Variants in MED13L observed in about 807,000 individuals in gnomAD.
The protein encoded by MED13L is mediator of RNA polymerase II transcription subunit 13-like.
A neutral mutation model predicts 220.9 loss-of-function variants in MED13L; 7 were observed. The ratio of observed to expected loss-of-function variants is 0.03; its 90% confidence interval spans 0.02 to 0.06. The LOEUF is 0.06. Among genes scored for constraint, MED13L ranks in the 10% least tolerant of loss-of-function variants. MED13L has a pLI of 1.00. For missense variants in MED13L, 1,965 were observed against 2,760.5 expected, an observed-to-expected ratio of 0.71 and a Z score of 6.46; for synonymous variants, 1,011 against 1,015.2, an observed-to-expected ratio of 1.00 and a Z score of 0.08.
At chr12:116,147,143 A>G (rs570858699) in intron 2 of MED13L, among the ~76,000 whole-genome samples, 151 of 152,340 alleles carry the variant, frequency 9.9e-4, no homozygotes, top group Non-Finnish European at 1.9e-3. Context: ...AACTGTGCTT[A>G]TAAGAGTGGC....
intron 2 of MED13L, among the ~76,000 whole-genome samples, chr12:116,159,282 A>G (rs1331217311): frequency 6.6e-6 from 1 of 152,206 alleles, no homozygotes; most frequent in Non-Finnish European, 1.5e-5. Context: ...GCAATCTCAG[A>G]GTTTATGTAG....
chr12:116,125,928 A>G (rs531297309), intron 2 of MED13L, among the ~76,000 whole-genome samples: 4 of 152,362 alleles, frequency 2.6e-5, no homozygotes, highest in African/African-American at 9.6e-5. Context: ...ATAGAATCAC[A>G]AATTATTATT....
At chr12:115,996,086 TTTTC>T (rs1211774890) in intron 16 of MED13L, among the ~76,000 whole-genome samples, 8 of 152,138 alleles carry the variant, frequency 5.3e-5, no homozygotes, top group Admixed American at 3.3e-4. Context: ...TGTCATCATT[TTTTC>T]TTTCTTTTTT....
At chr12:116,177,728 A>G (rs2138207816) in intron 2 of MED13L, among the ~76,000 whole-genome samples, 1 of 152,356 alleles carries the variant, frequency 6.6e-6, no homozygotes, top group Non-Finnish European at 1.5e-5. Context: ...AATCTGACCT[A>G]TGAGGAAAAA....
intron 4 of MED13L, among the ~76,000 whole-genome samples, chr12:116,029,563 A>G (rs1255751376): frequency 2.0e-5 from 3 of 152,198 alleles, no homozygotes; most frequent in Non-Finnish European, 2.9e-5. Flanking sequence ...GTAGAAAATC[A>G]TATGCCAGAT....
intron 22 of MED13L, among the ~76,000 whole-genome samples, chr12:115,981,517 G>A (rs905484828): frequency 1.3e-5 from 2 of 151,832 alleles, no homozygotes; most frequent in African/African-American, 4.9e-5. Context: ...AGCTGTCAAA[G>A]GTGCAGTGAA....
chr12:115,992,210 A>G (rs1878110437), intron 16 of MED13L, among the ~76,000 whole-genome samples: 2 of 152,208 alleles, frequency 1.3e-5, no homozygotes, highest in South Asian at 4.1e-4. Flanking sequence ...TATTCCACAT[A>G]TAAGCATCCT....
At chr12:116,216,413 G>C (rs528745855) in intron 2 of MED13L, among the ~76,000 whole-genome samples, 2 of 152,196 alleles carry the variant, frequency 1.3e-5, no homozygotes, top group Non-Finnish European at 2.9e-5. Flanking sequence ...TTTATCTGTA[G>C]CTCTATTACT....
chr12:116,073,693 CCTGAG>C (rs1325375085), intron 4 of MED13L, among the ~76,000 whole-genome samples: 1 of 152,198 alleles, frequency 6.6e-6, no homozygotes, highest in African/African-American at 2.4e-5. Context: ...CAACCCTTGA[CCTGAG>C]CTGATTTTAT....
intron 1 of MED13L, among the ~76,000 whole-genome samples, chr12:116,246,206 CA>C (rs77427246): frequency 0.095 from 9,519 of 100,038 alleles, 358 homozygotes; most frequent in Middle Eastern, 0.17. Context: ...TTTAGACATG[CA>C]AAAAAAAAAA....
At position 116,007,391 on chromosome 12, in the gene MED13L, C is replaced by G. The variant is rs1380362701; in HGVS notation, c.2238+20G>C. ...ATAGAAACCCACACCATGCTGGACT[C>G]TCTCTCTGTTAAATGGTACCTTATT... On this transcript the variant is annotated intron_variant, in intron 11 of 30. Transcript: ENST00000281928. The G allele has an allele frequency of 6.3e-7, 1 of 1,592,658 alleles. No individual in the cohort carries two copies. The highest frequency in any genetic ancestry group is 8.6e-7 in the Non-Finnish European group (1 of 1,160,598).
chr12:115,971,894 C>T (rs578076163), intron 26 of MED13L, among the ~76,000 whole-genome samples, 184 bp downstream of exon 26: 2 of 152,286 alleles, frequency 1.3e-5, no homozygotes, highest in African/African-American at 4.8e-5. Flanking sequence ...GGTCAACAAA[C>T]ATGATAAAAT....
chr12:116,202,923 C>A (rs1408324554), intron 2 of MED13L, among the ~76,000 whole-genome samples: 1 of 152,178 alleles, frequency 6.6e-6, no homozygotes. Flanking sequence ...CAAGAGAAAT[C>A]ACAAAGTTTT....
At chr12:116,221,699 C>A (rs1233296011) in intron 2 of MED13L, among the ~76,000 whole-genome samples, 2 of 152,118 alleles carry the variant, frequency 1.3e-5, no homozygotes, top group African/African-American at 4.8e-5. Flanking sequence ...ATATATCATG[C>A]AGCATGAATC....
At chr12:115,996,113 C>CA (rs1878385259) in intron 16 of MED13L, among the ~76,000 whole-genome samples, 2 of 151,900 alleles carry the variant, frequency 1.3e-5, no homozygotes, top group South Asian at 4.2e-4. Context: ...CTTTCTGAGA[C>CA]AGAGTCTCAC....
intron 16 of MED13L, among the ~76,000 whole-genome samples, chr12:115,992,551 T>C (rs866406874): frequency 6.6e-6 from 1 of 152,240 alleles, no homozygotes; most frequent in African/African-American, 2.4e-5. Context: ...TACATTTTTA[T>C]AGTAATGAGT....
chr12:116,133,852 C>A (rs774525489), intron 2 of MED13L, among the ~76,000 whole-genome samples: 1 of 152,174 alleles, frequency 6.6e-6, no homozygotes, highest in African/African-American at 2.4e-5. Context: ...CTAGTCCACA[C>A]GGAGCAGCCA....
intron 13 of MED13L, among the ~76,000 whole-genome samples, chr12:116,004,445 G>T (rs1878924400): frequency 6.6e-6 from 1 of 151,998 alleles, no homozygotes; most frequent in South Asian, 2.1e-4. Context: ...AAAGTTACCA[G>T]ATTAGAGGAT....
Position 115,960,750 on chromosome 12 carries a change from G to A in MED13L, c.*516C>T, listed in dbSNP as rs1023956433. 1 of 186,762 alleles carries A rather than the reference G, an allele frequency of 5.4e-6. No individual in the cohort carries two copies. Among genetic ancestry groups the A allele is most frequent in the Non-Finnish European group, 1.1e-5 (1 of 87,406 alleles). The allele number at this position is 186,762 out of a possible 1,614,324, so 11.6% of individuals were successfully genotyped here. A position where few individuals can be genotyped will look rare whatever the true frequency, so the allele number is the denominator to read the frequency against. On this transcript the variant is annotated 3_prime_UTR_variant, in exon 31 of 31. Transcript: ENST00000281928. Reference sequence around the variant, plus strand: ...AAAGCACTCATGCTAATCTGGATGGGAACACTAGGGAGACAGAAACCCCAG... The same window carrying A: ...AAAGCACTCATGCTAATCTGGATGGAAACACTAGGGAGACAGAAACCCCAG...
Sources: allele counts gnomAD v4.1 joint callset (sites outside exome capture counted in the v4.1 genomes callset), GRCh38; gene constraint gnomAD v4.1.1; transcripts MANE v1.5; gene names NCBI Gene and HGNC (gene_info 2026-07-23, HGNC 2026-07-21).